The following MYO15A variants were observed in gnomAD, a reference collection of about 807,000 sequenced individuals.
MYO15A encodes myosin XVA.
In MYO15A, 308 loss-of-function variants were observed where a neutral mutation model predicts 394.6. The ratio of observed to expected loss-of-function variants is 0.78; its 90% CI spans 0.71 to 0.86. The LOEUF is 0.86. Ranked by LOEUF, MYO15A falls within the 40% of genes least tolerant of loss-of-function variation. The probability of loss-of-function intolerance (pLI) is 0.00; values close to 1 mark genes in which losing one functional copy is unlikely to be tolerated. For synonymous variants in MYO15A, 1,957 were observed against 2,003.8 expected, an observed-to-expected ratio of 0.98 and a Z score of 0.62; for missense variants, 4,606 against 4,799.1, an observed-to-expected ratio of 0.96 and a Z score of 1.19.
chr17:18,119,585 C>T lies in MYO15A; in HGVS notation c.785C>T (p.Ala262Val). The part of the protein sequence containing the change: ...HRYEEQEPYL[A>V]GLGPYSPAWP... ...TACGAGGAGCAGGAACCCTACCTGG[C>T]GGGCCTCGGCCCCTACAGCCCGGCC... Residue 262 changes from alanine (A) to valine (V), a missense_variant, in exon 2 of 66, where the codon GCG becomes GTG. By Grantham distance (64) the Ala-to-Val change is moderately conservative. Around this residue, in one of 2 missense-constraint regions of MYO15A, gnomAD observed 1,830 missense variants for 1,689.7 expected, o/e 1.08. Transcript: ENST00000647165. 1.9e-6 allele frequency: 3 copies of T among 1,604,882 alleles called. No homozygotes were observed. Among genetic ancestry groups the T allele is most frequent in the Admixed American group, 1.7e-5 (1 of 60,012 alleles).
Position 18,153,321 on chromosome 17 carries a change from T to TGTGA in MYO15A, c.7967-453_7967-450dup, listed in dbSNP as rs2046616142. On this transcript the variant is annotated intron_variant, in intron 42 of 65. Coordinates refer to ENST00000647165, the MANE Select transcript of MYO15A (RefSeq NM_016239.4). The surrounding 1 kb of genome is among the most constrained non-coding windows in gnomAD (Gnocchi z 4.1). ...GTGTTGAATGAAAGGCTGGGTCATA[T>TGTGA]GTGACCCTTGTGAGCAGCTGTTTCC... The TGTGA allele has an allele frequency of 6.5e-6, 1 of 153,308 alleles. No homozygotes were observed. The highest frequency in any genetic ancestry group is 6.5e-5 in the Admixed American group (1 of 15,314). The allele number at this position is 153,308 out of a possible 1,614,324, so 9.5% of individuals were successfully genotyped here.
At chr17:18,118,254 G>C (rs1036276401) in intron 1 of MYO15A, among the ~76,000 whole-genome samples, 2 of 152,118 alleles carry the variant, frequency 1.3e-5, no homozygotes, top group African/African-American at 4.8e-5. Context: ...GGACCTAGAG[G>C]GTTCAAAGTT....
Position 18,136,623 on chromosome 17 carries a change from C to A in MYO15A, c.4716C>A (p.Asn1572Lys). The change falls in exon 15 of 66, where the codon AAC (asparagine) becomes AAA (lysine). Residue 1572 changes from asparagine (N) to lysine (K), a missense_variant. Transcript: ENST00000647165. Reference sequence around the variant, plus strand: ...TCAGCTGGCTCATCACCAGGGTCAACGCGCTGGTGTCCCCAAGGCAGGACA... The same window carrying A: ...TCAGCTGGCTCATCACCAGGGTCAAAGCGCTGGTGTCCCCAAGGCAGGACA... The part of the protein sequence containing the change: ...LLFSWLITRV[N>K]ALVSPRQDTL... 6.2e-7 allele frequency: 1 copy of A among 1,613,750 alleles called. No homozygotes were observed. The highest frequency in any genetic ancestry group is 8.5e-7 in the Non-Finnish European group (1 of 1,180,014).
chr17:18,144,369 C>A, intron 28 of MYO15A, 128 bp from the exon 29 acceptor site: 1 of 901,180 alleles, frequency 1.1e-6, no homozygotes, highest in Non-Finnish European at 1.8e-6. Context: ...CTCAGTTTCC[C>A]CATCCATACA....
chr17:18,153,691 T>C lies in MYO15A; in HGVS notation c.7967-84T>C. 1.6e-6 allele frequency: 2 copies of C among 1,276,110 alleles called. No homozygotes were observed. The highest frequency in any genetic ancestry group is 2.0e-6 in the Non-Finnish European group (2 of 992,228). 79.0% of individuals were successfully genotyped at this position (1,276,110 alleles called of 1,614,324 possible). A position where few individuals can be genotyped will look rare whatever the true frequency, so the allele number is the denominator to read the frequency against. ...CTAGCCTGGGGGACAACAGCGAAAC[T>C]CCGTCTCAAAAATATATATATATAT... is the stretch of plus-strand genomic sequence containing the variant. On this transcript the variant is annotated intron_variant, in intron 42 of 65. Coordinates refer to ENST00000647165, the MANE Select transcript of MYO15A (RefSeq NM_016239.4). This position sits in a 1 kb window ranked among gnomAD's most constrained non-coding sequence, Gnocchi z 4.1.
In MYO15A at chr17:18,178,936, G is replaced by A. The variant is rs1013978992; in HGVS notation, c.*66G>A. ...ACTGTGTGGCCTCAGAGAAATCACT[G>A]AACCTCTCAGGATCAATGACCCCTG... On this transcript the variant is annotated 3_prime_UTR_variant, in exon 66 of 66. Transcript: ENST00000647165. 11 of 1,506,484 alleles carry A rather than the reference G, an allele frequency of 7.3e-6. No homozygotes were observed. The African/African-American group carries it at 1.5e-4, about 21-fold the overall frequency. 93.3% of individuals were successfully genotyped at this position (1,506,484 alleles called of 1,614,324 possible).
In MYO15A at chr17:18,157,077, TG is replaced by T; in HGVS notation, c.8713+16del. On this transcript the variant is annotated intron_variant, in intron 49 of 65. Coordinates refer to ENST00000647165, the MANE Select transcript of MYO15A (RefSeq NM_016239.4). ...GCCACCTCGAGTGGGTCAGTGCCAC[TG>T]GGGTGGGCTGGGGGCAGGAGGGGGA... The T allele has an allele frequency of 6.2e-7, 1 of 1,613,572 alleles. No individual in the cohort carries two copies. The highest frequency in any genetic ancestry group is 8.5e-7 in the Non-Finnish European group (1 of 1,179,832).
Position 18,172,249 on chromosome 17 carries a change from A to G in MYO15A, c.10309A>G (p.Ile3437Val), listed in dbSNP as rs759391121. Residue 3437 changes from isoleucine (I) to valine (V), a missense_variant, in exon 64 of 66, where the codon ATC (isoleucine) becomes GTC (valine). Transcript: ENST00000647165. ...IAVPAPCILA[I>V]NHNGLNFLST... ...TGTGCCAGCCCCTTGCATCCTTGCC[A>G]TCAACCACAATGGCCTCAACTTTCT... is the stretch of plus-strand genomic sequence containing the variant. 4 of 1,614,152 alleles carry G rather than the reference A, an allele frequency of 2.5e-6. No individual in the cohort carries two copies. The Admixed American group carries it at 6.7e-5, about 27-fold the overall frequency.
In MYO15A at chr17:18,132,327, C is replaced by T. The variant is rs535008071; in HGVS notation, c.4207-126C>T. ...CTGGGAGCCTCACCCATCACAGAGG[C>T]GCGTGTTCTCATCTGCAGCCCACTG... On this transcript the variant is annotated intron_variant, in intron 10 of 65. Coordinates refer to ENST00000647165, the MANE Select transcript of MYO15A (RefSeq NM_016239.4). The surrounding 1 kb of genome is among the most constrained non-coding windows in gnomAD (Gnocchi z 4.6). The T allele has an allele frequency of 9.5e-6, 7 of 738,922 alleles. No homozygotes were observed. Among genetic ancestry groups the T allele is most frequent in the South Asian group, 1.5e-5 (1 of 67,012 alleles). The allele number at this position is 738,922 out of a possible 1,614,324, so 45.8% of individuals were successfully genotyped here. A position where few individuals can be genotyped will look rare whatever the true frequency, so the allele number is the denominator to read the frequency against.
chr17:18,158,306 C>T, intron 51 of MYO15A: 1 of 595,370 alleles, frequency 1.7e-6, no homozygotes. Context: ...AAGGGCGTGG[C>T]CAAGTGGGGC....
rs78015149 is a variant in MYO15A, at chr17:18,148,791, C to T, written c.6795C>T (p.Thr2265=). 2.6e-4 allele frequency: 417 copies of T among 1,603,426 alleles called. 2 individuals are homozygous for T. The East Asian group carries it at 6.8e-3, about 26-fold the overall frequency. Reference sequence around the variant, plus strand: ...TGGCAGATGGCTGGCGCGGCTGGACCGTGGCCATGAAGAATGGTGTCCAGT... The same window carrying T: ...TGGCAGATGGCTGGCGCGGCTGGACTGTGGCCATGAAGAATGGTGTCCAGT... The part of the protein sequence containing the change: ...RGLADGWRGW[T]VAMKNGVQWA... Residue 2265 remains threonine (T), a synonymous_variant, in exon 33 of 66, where the codon ACC becomes ACT. Transcript: ENST00000647165. The surrounding 1 kb of genome is among the most constrained non-coding windows in gnomAD (Gnocchi z 4.8).
In MYO15A at chr17:18,142,854, C is replaced by A. The variant is rs371890976; in HGVS notation, c.5910+14C>A. The A allele has an allele frequency of 1.2e-6, 2 of 1,604,528 alleles. No individual in the cohort carries two copies. The highest frequency in any genetic ancestry group is 8.5e-7 in the Non-Finnish European group (1 of 1,175,728). On this transcript the variant is annotated intron_variant, in intron 25 of 65. Coordinates refer to ENST00000647165, the MANE Select transcript of MYO15A (RefSeq NM_016239.4). ...CGCTATCTCAAGGTATAGGCCCTAC[C>A]CTATCTGGGTCCAAGGGGACAGCAG...
Position 18,122,163 on chromosome 17 carries a change from G to A in MYO15A, c.3363G>A (p.Val1121=), listed in dbSNP as rs201197589. The A allele has an allele frequency of 1.2e-4, 193 of 1,613,094 alleles. No individual in the cohort carries two copies. In the African/African-American group the frequency reaches 2.3e-3, roughly 19 times the overall value. The change falls in exon 2 of 66, where the codon GTG becomes GTA. Residue 1121 remains valine, a synonymous_variant. Coordinates refer to ENST00000647165, the MANE Select transcript of MYO15A (RefSeq NM_016239.4). ...PGRFAVVMPR[V]QKLSSFQRVG... ...GTTTTGCTGTGGTCATGCCTCGTGT[G>A]CAGAAGCTGAGCTCTTTCCAGCGAG...
Position 18,158,961 on chromosome 17 carries a change from G to C in MYO15A, c.9120G>C (p.Glu3040Asp). The C allele has an allele frequency of 6.2e-7, 1 of 1,614,118 alleles. No homozygotes were observed. Among genetic ancestry groups the C allele is most frequent in the African/African-American group, 1.3e-5 (1 of 75,046 alleles). Residue 3040 changes from glutamate (E) to aspartate (D), a missense_variant, in exon 53 of 66, where the codon GAG becomes GAC. Glu to Asp is a conservative substitution (Grantham distance 45). Around this residue, in one of 2 missense-constraint regions of MYO15A, gnomAD observed 2,776 missense variants for 3,109.3 expected, o/e 0.89. Transcript: ENST00000647165. ...GLRLKSKEPR[E>D]SRTLEDMLCF... Reference sequence around the variant, plus strand: ...GGCTGAAATCCAAGGAGCCTCGGGAGTCCAGAACCTTGGAGGACATGCTTT... The same window carrying C: ...GGCTGAAATCCAAGGAGCCTCGGGACTCCAGAACCTTGGAGGACATGCTTT...
chr17:18,150,702 A>G lies in MYO15A; in HGVS notation c.7332A>G (p.Pro2444=). 1 of 1,589,770 alleles carries G rather than the reference A, an allele frequency of 6.3e-7. No homozygotes were observed. Among genetic ancestry groups the G allele is most frequent in the East Asian group, 2.3e-5 (1 of 43,544 alleles). The change falls in exon 37 of 66, where the codon CCA becomes CCG. Residue 2444 remains proline (P), a synonymous_variant. Coordinates refer to ENST00000647165, the MANE Select transcript of MYO15A (RefSeq NM_016239.4). The surrounding 1 kb of genome is among the most constrained non-coding windows in gnomAD (Gnocchi z 4.4). ...CCTTCTGCCCCCTCCCCTCAGTCCC[A>G]GGCCTGGATGCCTCCACATTGGCTC... ...PRRPPEPKPI[P]GLDASTLALQ... is the part of the protein sequence containing the mutation.
At chr17:18,114,263 T>TTTTTTTC (rs2045758347) in intron 1 of MYO15A, among the ~76,000 whole-genome samples, 1 of 143,784 alleles carries the variant, frequency 7.0e-6, no homozygotes, top group Non-Finnish European at 1.5e-5. Context: ...TTTTTTTTTT[T>TTTTTTTC]TTTTGAGACG....
rs202142174 is a variant in MYO15A, at chr17:18,119,843, C to G, written c.1043C>G (p.Pro348Arg). ...GGCTACTACCTGGATCCCTATGCGC[C>G]GTACGACGCGCCATACCCACCCTAT... Reference protein sequence around the residue: ...PYGYYLDPYAPYDAPYPPYDL... With the variant: ...PYGYYLDPYARYDAPYPPYDL... The change falls in exon 2 of 66, where the codon CCG becomes CGG. Residue 348 changes from proline (P) to arginine (R), a missense_variant. Pro to Arg is a moderately radical substitution (Grantham distance 103). Around this residue, in one of 2 missense-constraint regions of MYO15A, gnomAD observed 1,830 missense variants for 1,689.7 expected, o/e 1.08. Transcript: ENST00000647165. The G allele has an allele frequency of 1.2e-6, 2 of 1,613,074 alleles. No individual in the cohort carries two copies. The highest frequency in any genetic ancestry group is 2.7e-5 in the African/African-American group (2 of 75,042).
intron 44 of MYO15A, 132 bp from the exon 45 acceptor site, chr17:18,154,548 C>CAT: frequency 1.1e-6 from 1 of 901,450 alleles, no homozygotes; most frequent in Non-Finnish European, 1.8e-6. Context: ...ACACAGATGA[C>CAT]CCAGCTTACA....
chr17:18,149,646 C>T (rs933795158), intron 35 of MYO15A, 66 bp downstream of exon 35: 96 of 1,509,386 alleles, frequency 6.4e-5, no homozygotes, highest in Non-Finnish European at 8.6e-5. Context: ...AAGTCACACA[C>T]TTGTACAGGG....
Sources: allele counts gnomAD v4.1 joint callset (sites outside exome capture counted in the v4.1 genomes callset), GRCh38; gene constraint gnomAD v4.1.1; regional missense constraint gnomAD v4.1.1; non-coding constraint Gnocchi (gnomAD v3.1); transcripts MANE v1.5; gene names NCBI Gene and HGNC (gene_info 2026-07-23, HGNC 2026-07-21).